COL22A1: variants seen among roughly 807,000 people sequenced by gnomAD.
COL22A1 encodes the protein collagen type XXII alpha 1 chain, also known as collagen alpha-1(XXII) chain.
COL22A1 carries 221 observed loss-of-function variants against 248.9 expected under a neutral mutation model. The ratio of observed to expected loss-of-function variants is 0.89; its 90% CI spans 0.80 to 0.99. The LOEUF (loss-of-function observed/expected upper bound fraction) is 0.99, where lower values mean the gene tolerates loss of function less well. Ranked by LOEUF, COL22A1 falls within the 50% of genes least tolerant of loss-of-function variation. COL22A1 has a pLI of 0.00. For synonymous variants in COL22A1, 891 were observed against 793.4 expected, an observed-to-expected ratio of 1.12 and a Z score of -2.07; for missense variants, 2,240 against 2,179.0, an observed-to-expected ratio of 1.03 and a Z score of -0.56.
rs1483620722 is a variant in COL22A1 at position 138,664,205 on chromosome 8, GCGCGCACACACACACACA to G, written c.3151-483_3151-466del. ...TCTCCAACAAGGGGTGCGCGCGCGCGCGCGCACACACACACACACACACACACACACACACACACACAC... is the reference window on the plus strand; with the variant it reads ...TCTCCAACAAGGGGTGCGCGCGCGCGCACACACACACACACACACACACAC... On this transcript the variant is annotated intron_variant, in intron 41 of 64. Transcript: ENST00000303045. Among the ~76,000 whole-genome samples the G allele has an allele frequency of 9.3e-5, 9 of 96,962 alleles. 1 individual carries two copies. Among genetic ancestry groups the G allele is most frequent in the Admixed American group, 3.1e-4 (3 of 9,620 alleles). 63.6% of individuals were successfully genotyped at this position (96,962 alleles called of 152,430 possible).
chr8:138,605,094 C>T (rs944969582), intron 58 of COL22A1, among the ~76,000 whole-genome samples: 7 of 152,026 alleles, frequency 4.6e-5, no homozygotes, highest in African/African-American at 1.7e-4. Context: ...AGAAGTAGGC[C>T]CATAATGTGT....
chr8:138,694,192 T>C (rs1293553715), intron 34 of COL22A1, among the ~76,000 whole-genome samples: 1 of 152,228 alleles, frequency 6.6e-6, no homozygotes, highest in Non-Finnish European at 1.5e-5. Context: ...GCCCCCTATG[T>C]GCAGAGGCCC....
chr8:138,643,705 TA>T (rs1564135093), intron 47 of COL22A1, among the ~76,000 whole-genome samples: 4 of 149,042 alleles, frequency 2.7e-5, no homozygotes, highest in African/African-American at 7.5e-5. Flanking sequence ...ATATATATTT[TA>T]AAAAATTTTT....
chr8:138,776,179 CTG>C (rs1814439838), intron 15 of COL22A1, among the ~76,000 whole-genome samples, 169 bp from the exon 16 acceptor site: 2 of 152,128 alleles, frequency 1.3e-5, no homozygotes, highest in South Asian at 4.1e-4. Flanking sequence ...AAAGCAGCTG[CTG>C]TGTCGTCTGG....
At chr8:138,821,475 G>T in intron 6 of COL22A1, 64 bp from the exon 7 acceptor site, 1 of 1,524,712 alleles carries the variant, frequency 6.6e-7, no homozygotes, top group Non-Finnish European at 9.0e-7. Flanking sequence ...GAGAGAATGG[G>T]AAACGGGAGT....
At chr8:138,844,232 C>G in intron 3 of COL22A1, 74 bp from the exon 4 acceptor site, 1 of 1,328,738 alleles carries the variant, frequency 7.5e-7, no homozygotes, top group Non-Finnish European at 1.1e-6. Context: ...TATGACAGCA[C>G]ACAAGACCCC....
In COL22A1 at chr8:138,594,146, G is replaced by C. The variant is rs766146519; in HGVS notation, c.4486C>G (p.Gln1496Glu). 6.3e-7 allele frequency: 1 copy of C among 1,578,194 alleles called. No homozygotes were observed. Among genetic ancestry groups the C allele is most frequent in the Non-Finnish European group, 8.6e-7 (1 of 1,168,288 alleles). The change falls in exon 63 of 65, where the codon CAA becomes GAA. Residue 1496 changes from glutamine (Q) to glutamate (E), a missense_variant. Transcript: ENST00000303045. ...QMPPAYMKSS[Q>E]GRPGPPGPPG... Reference sequence around the variant, plus strand: ...GGCCCTGGGGGCCCAGGTCTGCCTTGAGATGACTTCATGTACGCCGGGGGC... The same window carrying C: ...GGCCCTGGGGGCCCAGGTCTGCCTTCAGATGACTTCATGTACGCCGGGGGC...
At chr8:138,775,816 A>G in intron 16 of COL22A1, 150 bp downstream of exon 16, 3 of 798,126 alleles carry the variant, frequency 3.8e-6, no homozygotes, top group East Asian at 2.5e-5. Context: ...GCACACATAC[A>G]CATGCAAATA....
chr8:138,703,573 A>C (rs1828146904), intron 30 of COL22A1, among the ~76,000 whole-genome samples: 1 of 152,242 alleles, frequency 6.6e-6, no homozygotes, highest in South Asian at 2.1e-4. Flanking sequence ...CATTGTTTTC[A>C]GAAGTATCCA....
chr8:138,720,216 C>T (rs961726453), intron 27 of COL22A1, among the ~76,000 whole-genome samples: 6 of 152,132 alleles, frequency 3.9e-5, no homozygotes, highest in African/African-American at 1.4e-4. Flanking sequence ...GAAGCTGGCC[C>T]GAGAAGGCTG....
intron 50 of COL22A1, among the ~76,000 whole-genome samples, chr8:138,629,903 G>A (rs1241686630): frequency 6.6e-6 from 1 of 152,138 alleles, no homozygotes; most frequent in African/African-American, 2.4e-5. Context: ...TTCCCTCACT[G>A]TGTGACCCTG....
chr8:138,672,422 T>TG (rs1421734590), intron 41 of COL22A1, among the ~76,000 whole-genome samples: 1 of 152,070 alleles, frequency 6.6e-6, no homozygotes, highest in Admixed American at 6.6e-5. Context: ...CCTTGGAAGG[T>TG]GGGGGGATGA....
At chr8:138,810,667 A>G (rs1265497317) in intron 9 of COL22A1, among the ~76,000 whole-genome samples, 1 of 152,202 alleles carries the variant, frequency 6.6e-6, no homozygotes, top group Admixed American at 6.5e-5. Flanking sequence ...GAACTCCCCA[A>G]GGGTTCCCTG....
In COL22A1 at chr8:138,876,421, C is replaced by T. The variant is rs564336523; in HGVS notation, c.658+1329G>A. Among the ~76,000 whole-genome samples, 294 of 152,324 alleles carry T rather than the reference C, an allele frequency of 1.9e-3. 1 individual carries two copies. Among genetic ancestry groups the T allele is most frequent in the African/African-American group, 6.1e-3 (252 of 41,578 alleles). On this transcript the variant is annotated intron_variant, in intron 3 of 64. Transcript: ENST00000303045. ...TCACATTCCCTTTTATGTGGCTTTC[C>T]TGCCTTCTAGACTATGAGCACCCTG...
At position 138,806,086 on chromosome 8, in the gene COL22A1, A is replaced by G. The variant is rs796442273; in HGVS notation, c.1494+1682T>C. Reference sequence around the variant, plus strand: ...TGGTGGTGTGTGTGATGGTGTGTGTAATGGTGTGTGATGGTGTGTTTGTGT... The same window carrying G: ...TGGTGGTGTGTGTGATGGTGTGTGTGATGGTGTGTGATGGTGTGTTTGTGT... On this transcript the variant is annotated intron_variant, in intron 10 of 64. Coordinates refer to ENST00000303045, the MANE Select transcript of COL22A1 (RefSeq NM_152888.3). Among the ~76,000 whole-genome samples, 35 of 4,944 alleles carry G rather than the reference A, an allele frequency of 7.1e-3. 1 individual carries two copies. Among genetic ancestry groups the G allele is most frequent in the African/African-American group, 0.014 (10 of 690 alleles). 3.2% of individuals were successfully genotyped at this position (4,944 alleles called of 152,430 possible). A position where few individuals can be genotyped will look rare whatever the true frequency, so the allele number is the denominator to read the frequency against.
chr8:138,621,802 G>A (rs548529365), intron 52 of COL22A1, among the ~76,000 whole-genome samples: 58 of 152,284 alleles, frequency 3.8e-4, no homozygotes, highest in Middle Eastern at 3.4e-3. Context: ...AGGCACACAC[G>A]CAGTTGCTGT....
At chr8:138,631,234 T>C (rs1820697564) in intron 49 of COL22A1, among the ~76,000 whole-genome samples, 1 of 152,188 alleles carries the variant, frequency 6.6e-6, no homozygotes, top group African/African-American at 2.4e-5. Flanking sequence ...AACATCCTAA[T>C]ATAGCAACAC....
At chr8:138,899,807 A>G (rs1486709566) in intron 1 of COL22A1, among the ~76,000 whole-genome samples, 1 of 152,196 alleles carries the variant, frequency 6.6e-6, no homozygotes, top group African/African-American at 2.4e-5. Context: ...TATAAGCATG[A>G]GCCACTGGGT....
At chr8:138,645,846 A>C (rs533415043) in intron 47 of COL22A1, among the ~76,000 whole-genome samples, 4 of 152,292 alleles carry the variant, frequency 2.6e-5, no homozygotes, top group South Asian at 2.1e-4. Context: ...TTTGGCCCTG[A>C]GTGTTGGTGG....
Sources: gnomAD v4.1 joint callset for allele counts (sites outside exome capture counted in the v4.1 genomes callset) on GRCh38, gnomAD v4.1.1 for gene constraint, MANE v1.5 for transcripts, NCBI Gene and HGNC (gene_info 2026-07-23, HGNC 2026-07-21) for gene names.